The following OVOL2 variants were observed in gnomAD, a reference collection of about 807,000 sequenced individuals.
OVOL2 encodes the protein transcription factor Ovo-like 2.
In OVOL2, 13 loss-of-function variants were observed where a neutral mutation model predicts 18.1. The ratio of observed to expected loss-of-function variants is 0.72; its 90% CI spans 0.47 to 1.14. OVOL2 has a LOEUF of 1.14. Ranked by LOEUF, OVOL2 falls within the 50% of genes most tolerant of loss-of-function variation. The probability of loss-of-function intolerance (pLI) is 0.00; values close to 1 mark genes in which losing one functional copy is unlikely to be tolerated. For synonymous variants in OVOL2, 166 were observed against 162.7 expected (o/e 1.02, Z -0.16); for missense variants, 335 against 383.0 (o/e 0.87, Z 1.05).
rs887036634 is a variant in OVOL2 at position 18,057,766 on chromosome 20, C to A, written c.-132G>T. On this transcript the variant is annotated 5_prime_UTR_variant, in exon 1 of 4. Transcript: ENST00000278780. The surrounding 1 kb of genome is among the most constrained non-coding windows in gnomAD (Gnocchi z 6.3). Reference sequence around the variant, plus strand: ...CCGCCTCGCCTGCCCTCTTCCTCCACCCCCCGCCGCGGCGCGGCCCAGGCC... The same window carrying A: ...CCGCCTCGCCTGCCCTCTTCCTCCAACCCCCGCCGCGGCGCGGCCCAGGCC... The A allele has an allele frequency of 6.4e-6, 9 of 1,407,774 alleles. No homozygotes were observed. Among genetic ancestry groups the A allele is most frequent in the Non-Finnish European group, 8.3e-6 (9 of 1,088,792 alleles). 87.2% of individuals were successfully genotyped at this position (1,407,774 alleles called of 1,614,324 possible).
intron 3 of OVOL2, among the ~76,000 whole-genome samples, chr20:18,028,653 T>C (rs1198700687): frequency 6.6e-6 from 1 of 151,922 alleles, no homozygotes; most frequent in Non-Finnish European, 1.5e-5. Context: ...ATTAGCCTGG[T>C]GTGGTGGCCC....
chr20:18,052,501 G>A (rs1261143521), intron 2 of OVOL2, among the ~76,000 whole-genome samples: 1 of 152,164 alleles, frequency 6.6e-6, no homozygotes, highest in African/African-American at 2.4e-5. Flanking sequence ...GGCAAGGGGT[G>A]GGAGTGTGGC....
At position 18,057,638 on chromosome 20, in the gene OVOL2, G is replaced by A; in HGVS notation, c.-4C>T. ...TCACCAGGAAGACTTTGGGCATGGT[G>A]GGGTCCCCTCTCCCGACTGCGGCCC... On this transcript the variant is annotated 5_prime_UTR_variant, in exon 1 of 4. Transcript: ENST00000278780. The surrounding 1 kb of genome is among the most constrained non-coding windows in gnomAD (Gnocchi z 6.3). 1 of 1,572,524 alleles carries A rather than the reference G, an allele frequency of 6.4e-7. No individual in the cohort carries two copies. The highest frequency in any genetic ancestry group is 8.6e-7 in the Non-Finnish European group (1 of 1,158,666).
chr20:18,048,074 G>A lies in OVOL2; in HGVS notation c.322-6351C>T, dbSNP rs369128282. On this transcript the variant is annotated intron_variant, in intron 2 of 3. Coordinates refer to ENST00000278780, the MANE Select transcript of OVOL2 (RefSeq NM_021220.4). ...AGGCTGAGGGGGCAGATCACCTGAG[G>A]TCAGGAGTTCGAGACCAGCCTGGCC... is the stretch of plus-strand genomic sequence containing the variant. Among the ~76,000 whole-genome samples, 45 of 151,666 alleles carry A rather than the reference G, an allele frequency of 3.0e-4. 2 individuals are homozygous for A. The highest frequency in any genetic ancestry group is 1.1e-3 in the African/African-American group (44 of 41,332).
At chr20:18,054,980 G>T (rs144707725) in intron 2 of OVOL2, among the ~76,000 whole-genome samples, 40 of 152,058 alleles carry the variant, frequency 2.6e-4, no homozygotes, top group Non-Finnish European at 4.7e-4. Flanking sequence ...TTCCTTTTTG[G>T]GGGTAGAGGC....
Position 18,056,701 on chromosome 20 carries a change from G to T in OVOL2, c.277C>A (p.His93Asn), listed in dbSNP as rs764791717. 55 of 1,454,658 alleles carry T rather than the reference G, an allele frequency of 3.8e-5. No homozygotes were observed. The highest frequency in any genetic ancestry group is 5.0e-5 in the Non-Finnish European group (55 of 1,109,176). 90.1% of individuals were successfully genotyped at this position (1,454,658 alleles called of 1,614,324 possible). A position where few individuals can be genotyped will look rare whatever the true frequency, so the allele number is the denominator to read the frequency against. The change falls in exon 2 of 4, where the codon CAC (histidine) becomes AAC (asparagine). Residue 93 changes from histidine to asparagine, a missense_variant. Coordinates refer to ENST00000278780, the MANE Select transcript of OVOL2 (RefSeq NM_021220.4). This position sits in a 1 kb window ranked among gnomAD's most constrained non-coding sequence, Gnocchi z 4.2. ...ACCGGGCGCTGCTTGGTCGCCAGGT[G>T]TCCATCGGGGCCCTCGGCGTCGCCG... The part of the protein sequence containing the change: ...EPGDAEGPDG[H>N]LATKQRPVAR...
At chr20:18,057,933 C>T (rs909362365), upstream of OVOL2, 1 of 1,223,420 alleles carries the variant, frequency 8.2e-7, no homozygotes, top group Non-Finnish European at 1.0e-6. This position sits in a 1 kb window ranked among gnomAD's most constrained non-coding sequence, Gnocchi z 6.3. Context: ...GAGCATGCGC[C>T]CTGCAACATA....
rs141567543 is a variant in OVOL2, at chr20:18,051,436, A to G, written c.321+5221T>C. ...CAGTTAATAAACAGAGGACAGAATT[A>G]GATTATTGCTGTTTTAGAACACCTA... On this transcript the variant is annotated intron_variant, in intron 2 of 3. Transcript: ENST00000278780. Among the ~76,000 whole-genome samples the G allele has an allele frequency of 1.4e-3, 214 of 152,266 alleles. 1 individual carries two copies. Among genetic ancestry groups the G allele is most frequent in the African/African-American group, 4.4e-3 (184 of 41,574 alleles).
intron 2 of OVOL2, among the ~76,000 whole-genome samples, chr20:18,043,049 T>C (rs2036689159): frequency 6.6e-6 from 1 of 152,090 alleles, no homozygotes; most frequent in African/African-American, 2.4e-5. Flanking sequence ...GCCAATGAAA[T>C]AGAAATCTCC....
intron 2 of OVOL2, among the ~76,000 whole-genome samples, chr20:18,052,439 T>A (rs1430638247): frequency 2.6e-5 from 4 of 152,174 alleles, no homozygotes; most frequent in Admixed American, 2.6e-4. Context: ...TTCTGAACTA[T>A]TTATGGTTGA....
At chr20:18,041,373 C>G (rs1397812753) in intron 3 of OVOL2, among the ~76,000 whole-genome samples, 161 bp downstream of exon 3, 2 of 152,162 alleles carry the variant, frequency 1.3e-5, no homozygotes, top group Non-Finnish European at 2.9e-5. Context: ...CTATGTTGGC[C>G]AGGCTGGTCT....
chr20:18,032,472 G>A (rs188532763), intron 3 of OVOL2, among the ~76,000 whole-genome samples: 71 of 151,976 alleles, frequency 4.7e-4, no homozygotes, highest in African/African-American at 1.5e-3. Flanking sequence ...ACAGTCCCTC[G>A]ATACTGGAAA....
intron 3 of OVOL2, among the ~76,000 whole-genome samples, chr20:18,029,471 G>A (rs947606032): frequency 6.6e-6 from 1 of 152,132 alleles, no homozygotes; most frequent in Non-Finnish European, 1.5e-5. Flanking sequence ...CATTCACATT[G>A]GCATATGCAC....
In OVOL2 at chr20:18,057,903, G is replaced by A; in HGVS notation, c.-269C>T. 7.7e-7 allele frequency: 1 copy of A among 1,303,310 alleles called. No homozygotes were observed. Among genetic ancestry groups the A allele is most frequent in the Non-Finnish European group, 9.7e-7 (1 of 1,029,042 alleles). 80.7% of individuals were successfully genotyped at this position (1,303,310 alleles called of 1,614,324 possible). A position where few individuals can be genotyped will look rare whatever the true frequency, so the allele number is the denominator to read the frequency against. On this transcript the variant is annotated 5_prime_UTR_variant, in exon 1 of 4. Coordinates refer to ENST00000278780, the MANE Select transcript of OVOL2 (RefSeq NM_021220.4). The surrounding 1 kb of genome is among the most constrained non-coding windows in gnomAD (Gnocchi z 6.3). ...AGTTTCATAAGGTGGAATAGAAAAGGCACCAGGAAACTTGGGACTGAGCAT... is the reference window on the plus strand; with the variant it reads ...AGTTTCATAAGGTGGAATAGAAAAGACACCAGGAAACTTGGGACTGAGCAT...
chr20:18,031,253 G>A (rs956594984), intron 3 of OVOL2, among the ~76,000 whole-genome samples: 3 of 152,184 alleles, frequency 2.0e-5, no homozygotes, highest in African/African-American at 7.2e-5. Context: ...TTCCTCACCT[G>A]TCACAGGGGT....
chr20:18,050,546 TA>T (rs2036763138), intron 2 of OVOL2: 1 of 152,190 alleles, frequency 6.6e-6, no homozygotes, highest in South Asian at 2.1e-4. Context: ...TTTCCAACAA[TA>T]AAAACCTACT....
intron 2 of OVOL2, among the ~76,000 whole-genome samples, chr20:18,051,559 C>T (rs1377266551): frequency 6.6e-6 from 1 of 152,070 alleles, no homozygotes; most frequent in East Asian, 1.9e-4. Context: ...GACAGATGCC[C>T]CACAGTGTGA....
chr20:18,053,843 C>T (rs1279196598), intron 2 of OVOL2, among the ~76,000 whole-genome samples: 1 of 152,126 alleles, frequency 6.6e-6, no homozygotes, highest in Non-Finnish European at 1.5e-5. Flanking sequence ...ACATTTCCAG[C>T]TCTTTACCGC....
At position 18,056,913 on chromosome 20, in the gene OVOL2, T is replaced by G. The variant is rs2036833920; in HGVS notation, c.101-36A>C. 6.8e-7 allele frequency: 1 copy of G among 1,465,790 alleles called. No homozygotes were observed. 90.8% of individuals were successfully genotyped at this position (1,465,790 alleles called of 1,614,324 possible). A position where few individuals can be genotyped will look rare whatever the true frequency, so the allele number is the denominator to read the frequency against. On this transcript the variant is annotated intron_variant, in intron 1 of 3. Transcript: ENST00000278780. This position sits in a 1 kb window ranked among gnomAD's most constrained non-coding sequence, Gnocchi z 4.2. ...AGGGGCCGCGCCCCGACACACACACTCGGCGTCAACCCGCACGCCCGCGGC... is the reference window on the plus strand; with the variant it reads ...AGGGGCCGCGCCCCGACACACACACGCGGCGTCAACCCGCACGCCCGCGGC...
Sources: gnomAD v4.1 joint callset for allele counts (sites outside exome capture counted in the v4.1 genomes callset) on GRCh38, gnomAD v4.1.1 for gene constraint, Gnocchi (gnomAD v3.1) non-coding constraint, MANE v1.5 for transcripts, NCBI Gene and HGNC (gene_info 2026-07-23, HGNC 2026-07-21) for gene names.